Variants in RALYL observed in about 807,000 individuals in gnomAD.
The protein encoded by RALYL is RALY RNA binding protein like.
In RALYL, 29 loss-of-function variants were observed where a neutral mutation model predicts 35.1. The ratio of observed to expected loss-of-function variants is 0.83; its 90% CI spans 0.61 to 1.13. RALYL has a LOEUF of 1.13. Among genes scored for constraint, RALYL ranks in the 50% most tolerant of loss-of-function variants. RALYL has a pLI of 0.00. For synonymous variants in RALYL, 120 were observed against 127.6 expected, an observed-to-expected ratio of 0.94 and a Z score of 0.40; for missense variants, 359 against 360.4, an observed-to-expected ratio of 1.00 and a Z score of 0.03.
chr8:84,742,122 T>G (rs1017851539), intron 2 of RALYL, among the ~76,000 whole-genome samples: 1 of 151,904 alleles, frequency 6.6e-6, no homozygotes, highest in African/African-American at 2.4e-5. Context: ...CAAGTTTAGG[T>G]AGGGAAACAC....
chr8:84,295,801 C>T (rs753889963), intron 1 of RALYL, among the ~76,000 whole-genome samples: 1 of 152,118 alleles, frequency 6.6e-6, no homozygotes, highest in Admixed American at 6.6e-5. Context: ...GCACTGCATT[C>T]TATTTCCTAG....
intron 2 of RALYL, among the ~76,000 whole-genome samples, chr8:84,737,298 G>T (rs1847491159): frequency 6.6e-6 from 1 of 152,050 alleles, no homozygotes; most frequent in East Asian, 1.9e-4. Context: ...TAATTTCATT[G>T]TAACTCATAA....
chr8:84,650,741 T>C (rs1828590002), intron 2 of RALYL, among the ~76,000 whole-genome samples: 1 of 151,582 alleles, frequency 6.6e-6, no homozygotes, highest in Non-Finnish European at 1.5e-5. Flanking sequence ...CAAAGGACTA[T>C]AAATCATGCT....
At chr8:84,589,686 C>T (rs1439326188) in intron 2 of RALYL, among the ~76,000 whole-genome samples, 2 of 152,102 alleles carry the variant, frequency 1.3e-5, no homozygotes, top group Non-Finnish European at 2.9e-5. Flanking sequence ...TTCAGCTGAT[C>T]ATATCTGGTA....
In RALYL at chr8:84,253,176, G is replaced by GTTTTTTTTTTTT. The variant is rs764942491; in HGVS notation, c.-24+68772_-24+68783dup. Among the ~76,000 whole-genome samples, 3 of 52,822 alleles carry GTTTTTTTTTTTT rather than the reference G, an allele frequency of 5.7e-5. 1 individual carries two copies. The highest frequency in any genetic ancestry group is 1.7e-4 in the African/African-American group (2 of 11,536). 34.7% of individuals were successfully genotyped at this position (52,822 alleles called of 152,430 possible). A position where few individuals can be genotyped will look rare whatever the true frequency, so the allele number is the denominator to read the frequency against. The stretch of plus-strand genomic sequence containing the variant: ...GTATGTGTCTGTGTGTAGTTCTGCA[G>GTTTTTTTTTTTT]TTTTTTTTTTTTTTTTTTTTTTTTT... On this transcript the variant is annotated intron_variant, in intron 1 of 8. Transcript: ENST00000521268.
intron 1 of RALYL, among the ~76,000 whole-genome samples, chr8:84,490,997 G>A (rs369737068): frequency 6.6e-6 from 1 of 151,942 alleles, no homozygotes; most frequent in Non-Finnish European, 1.5e-5. Context: ...AGACCCCTAT[G>A]AAGAAAGTAT....
rs187486436 is a variant in RALYL, at chr8:84,390,521, C to T, written c.-23-138778C>T. On this transcript the variant is annotated intron_variant, in intron 1 of 8. Coordinates refer to ENST00000521268, the MANE Select transcript of RALYL (RefSeq NM_173848.7). ...ATTGATTATTGCCACAATTTCAGAG[C>T]CTGTTATTGGTCTATTCAGAGATTC... Among the ~76,000 whole-genome samples, 341 of 152,114 alleles carry T rather than the reference C, an allele frequency of 2.2e-3. 2 individuals carry two copies. The highest frequency in any genetic ancestry group is 3.9e-3 in the Non-Finnish European group (266 of 67,994).
intron 1 of RALYL, among the ~76,000 whole-genome samples, chr8:84,314,358 T>C (rs1036017034): frequency 2.0e-5 from 3 of 151,740 alleles, no homozygotes; most frequent in African/African-American, 7.3e-5. Flanking sequence ...CCTTAAGCCC[T>C]CAGTATTTTA....
At chr8:84,713,318 A>G (rs1330596006) in intron 2 of RALYL, among the ~76,000 whole-genome samples, 1 of 151,950 alleles carries the variant, frequency 6.6e-6, no homozygotes, top group Non-Finnish European at 1.5e-5. Context: ...TCAATATTAA[A>G]CTCTTCATGT....
intron 1 of RALYL, among the ~76,000 whole-genome samples, chr8:84,300,172 T>C (rs1840503606): frequency 6.6e-6 from 1 of 152,064 alleles, no homozygotes; most frequent in Admixed American, 6.6e-5. Context: ...ATGTCTTGAT[T>C]TCTGCCTTAA....
chr8:84,866,480 G>A (rs182249231), intron 6 of RALYL, among the ~76,000 whole-genome samples: 47 of 152,278 alleles, frequency 3.1e-4, no homozygotes, highest in Admixed American at 8.5e-4. Flanking sequence ...TATTATAGCA[G>A]TTAAGAGTAT....
intron 4 of RALYL, among the ~76,000 whole-genome samples, chr8:84,820,680 T>C (rs1828329060): frequency 2.0e-5 from 3 of 152,130 alleles, no homozygotes; most frequent in Non-Finnish European, 4.4e-5. Context: ...ATTAGGTATT[T>C]GTCCTAATGC....
chr8:84,885,411 T>C lies in RALYL; in HGVS notation c.686-2193T>C, dbSNP rs558166004. 2.6e-5 allele frequency among the ~76,000 whole-genome samples: 4 copies of C among 152,232 alleles called. No individual in the cohort carries two copies. In the South Asian group the frequency reaches 6.2e-4, roughly 24 times the overall value. On this transcript the variant is annotated intron_variant, in intron 7 of 8. Transcript: ENST00000521268. ...TACAATAACCACTTTATAGTCTTCA[T>C]AGGACTTTCTGTGCTAAATGTTATA... is the stretch of plus-strand genomic sequence containing the variant.
intron 2 of RALYL, among the ~76,000 whole-genome samples, chr8:84,694,187 A>G (rs1015824362): frequency 6.6e-6 from 1 of 151,974 alleles, no homozygotes; most frequent in Non-Finnish European, 1.5e-5. Flanking sequence ...TGCAGATGAC[A>G]TGATCTTATA....
chr8:84,691,914 G>T (rs946550710), intron 2 of RALYL, among the ~76,000 whole-genome samples: 15 of 151,848 alleles, frequency 9.9e-5, no homozygotes, highest in Non-Finnish European at 2.2e-4. Context: ...ATCACATTGG[G>T]TTTATTCTAG....
intron 8 of RALYL, among the ~76,000 whole-genome samples, chr8:84,891,818 C>A (rs989325841): frequency 2.0e-5 from 3 of 151,952 alleles, no homozygotes. Context: ...CCTTGGTTCC[C>A]AAAAAGTGAA....
At chr8:84,496,967 A>C (rs1023435006) in intron 1 of RALYL, among the ~76,000 whole-genome samples, 1 of 152,180 alleles carries the variant, frequency 6.6e-6, no homozygotes, top group East Asian at 1.9e-4. Context: ...GAAGCTAAAC[A>C]TATGAAGAAT....
In RALYL at chr8:84,887,600, C is replaced by CA. The variant is rs757955871; in HGVS notation, c.686-4_686-3insA. 2.5e-6 allele frequency: 4 copies of CA among 1,602,770 alleles called. No homozygotes were observed. In the South Asian group the frequency reaches 4.5e-5, roughly 18 times the overall value. On this transcript the variant is annotated splice_region_variant and splice_polypyrimidine_tract_variant and intron_variant, in intron 7 of 8. Coordinates refer to ENST00000521268, the MANE Select transcript of RALYL (RefSeq NM_173848.7). ...AGTAGTCATTTGCTTTCTCCCCCCC[C>CA]CAGAAGCTCAGAAGAAGCAATTGGA...
intron 4 of RALYL, among the ~76,000 whole-genome samples, chr8:84,809,887 T>C (rs1825525621): frequency 1.3e-5 from 2 of 152,162 alleles, no homozygotes; most frequent in African/African-American, 4.8e-5. Context: ...TCTTGGTTAA[T>C]TTTGCTAATG....
Sources: allele counts gnomAD v4.1 joint callset (sites outside exome capture counted in the v4.1 genomes callset), GRCh38; gene constraint gnomAD v4.1.1; transcripts MANE v1.5; gene names NCBI Gene and HGNC (gene_info 2026-07-23, HGNC 2026-07-21).